Variants in PPP2R5E observed in about 807,000 individuals in gnomAD.
PPP2R5E encodes the protein protein phosphatase 2 regulatory subunit B'epsilon.
In PPP2R5E, 4 loss-of-function variants were observed where a neutral mutation model predicts 65.3. The ratio of observed to expected loss-of-function variants is 0.06; its 90% CI spans 0.03 to 0.14. The LOEUF (loss-of-function observed/expected upper bound fraction) is 0.14. Among genes scored for constraint, PPP2R5E ranks in the 10% least tolerant of loss-of-function variants. The pLI, the probability that PPP2R5E is intolerant of heterozygous loss-of-function variation, is 1.00. For missense variants in PPP2R5E, 274 were observed against 556.1 expected (o/e 0.49, Z 5.10); for synonymous variants, 183 against 187.4 (o/e 0.98, Z 0.19).
chr14:63,486,708 T>A (rs1251923880), intron 2 of PPP2R5E, among the ~76,000 whole-genome samples: 6 of 152,102 alleles, frequency 3.9e-5, no homozygotes, highest in African/African-American at 1.4e-4. Context: ...CCGCATAAAC[T>A]TTAAGTCCCA....
intron 7 of PPP2R5E, among the ~76,000 whole-genome samples, chr14:63,394,246 C>T (rs556749243): frequency 4.9e-4 from 74 of 152,030 alleles, no homozygotes; most frequent in Middle Eastern, 3.4e-3. Flanking sequence ...CCATGCCTGG[C>T]TAATTTTTTT....
chr14:63,432,357 G>A (rs1398674409), intron 3 of PPP2R5E, among the ~76,000 whole-genome samples: 4 of 152,146 alleles, frequency 2.6e-5, no homozygotes, highest in Admixed American at 6.5e-5. Flanking sequence ...TTTAACATAC[G>A]GTGATTGCTT....
At chr14:63,400,250 A>G (rs1451606047) in intron 5 of PPP2R5E, among the ~76,000 whole-genome samples, 1 of 152,232 alleles carries the variant, frequency 6.6e-6, no homozygotes, top group African/African-American at 2.4e-5. Flanking sequence ...CTCAGAGCCT[A>G]TTCTAATGGG....
chr14:63,424,478 G>A (rs1887217739), intron 3 of PPP2R5E, among the ~76,000 whole-genome samples: 1 of 152,172 alleles, frequency 6.6e-6, no homozygotes, highest in Non-Finnish European at 1.5e-5. Flanking sequence ...TCGGCCGGGC[G>A]CGGTGGCTCA....
chr14:63,395,339 A>T, intron 6 of PPP2R5E, 54 bp from the exon 7 acceptor site: 2 of 1,021,918 alleles, frequency 2.0e-6, no homozygotes, highest in Non-Finnish European at 2.8e-6. Context: ...AGGAGAAGGA[A>T]GGGATAAAAA....
At chr14:63,383,096 C>A (rs1405537449) in intron 12 of PPP2R5E, among the ~76,000 whole-genome samples, 1 of 152,134 alleles carries the variant, frequency 6.6e-6, no homozygotes, top group East Asian at 1.9e-4. Context: ...CTATGGGACA[C>A]TATACAGCTA....
intron 2 of PPP2R5E, among the ~76,000 whole-genome samples, chr14:63,495,971 G>A (rs572865382): frequency 7.2e-5 from 11 of 152,256 alleles, no homozygotes; most frequent in Middle Eastern, 3.4e-3. Flanking sequence ...GATTACAGGC[G>A]TGAGCCACCA....
At chr14:63,395,163 A>C in intron 7 of PPP2R5E, 63 bp downstream of exon 7, 1 of 1,409,014 alleles carries the variant, frequency 7.1e-7, no homozygotes, top group Non-Finnish European at 1.0e-6. Flanking sequence ...TCTTGGTGCC[A>C]CCTGAACCTA....
At chr14:63,459,807 C>T (rs904832653) in intron 2 of PPP2R5E, among the ~76,000 whole-genome samples, 9 of 152,138 alleles carry the variant, frequency 5.9e-5, no homozygotes, top group Admixed American at 2.0e-4. Context: ...TTCTTTCATC[C>T]CCTCCTCCTT....
rs1397386054 is a variant in PPP2R5E at position 63,446,473 on chromosome 14, T to C, written c.354+7216A>G. On this transcript the variant is annotated intron_variant, in intron 3 of 13. Transcript: ENST00000337537. ...AAATGAATTTCTTAAATAATAAGAC[T>C]TGAAAATCAAAATTACTCCTTGACC... 2.0e-5 allele frequency among the ~76,000 whole-genome samples: 3 copies of C among 152,264 alleles called. No individual in the cohort carries two copies. In the South Asian group the frequency reaches 6.2e-4, roughly 32 times the overall value.
At chr14:63,508,489 A>C (rs1051729009) in intron 2 of PPP2R5E, among the ~76,000 whole-genome samples, 29 of 152,234 alleles carry the variant, frequency 1.9e-4, no homozygotes, top group Middle Eastern at 6.3e-3. Context: ...ATCTACAATA[A>C]GCCTTTTCCA....
intron 2 of PPP2R5E, among the ~76,000 whole-genome samples, chr14:63,523,110 A>G (rs1193515732): frequency 6.8e-6 from 1 of 147,970 alleles, no homozygotes; most frequent in African/African-American, 2.6e-5. Context: ...CCGCCCGGCC[A>G]GCAGCCCCTT....
At chr14:63,433,610 C>T (rs537365597) in intron 3 of PPP2R5E, among the ~76,000 whole-genome samples, 11 of 151,998 alleles carry the variant, frequency 7.2e-5, no homozygotes, top group South Asian at 2.1e-4. Context: ...CAGAAAGGTG[C>T]GCGCTGCTCT....
At chr14:63,396,786 T>C in intron 5 of PPP2R5E, 70 bp from the exon 6 acceptor site, 2 of 1,553,952 alleles carry the variant, frequency 1.3e-6, no homozygotes, top group Non-Finnish European at 1.8e-6. Context: ...TTCTATTATT[T>C]AAAATCCCCT....
chr14:63,522,513 G>A (rs1338963620), intron 2 of PPP2R5E, among the ~76,000 whole-genome samples: 34 of 151,132 alleles, frequency 2.2e-4, no homozygotes, highest in African/African-American at 7.5e-4. Flanking sequence ...GCCTCTTCCC[G>A]GCCGCCATCC....
chr14:63,407,532 A>G (rs1413627949), intron 5 of PPP2R5E, among the ~76,000 whole-genome samples: 2 of 145,674 alleles, frequency 1.4e-5, no homozygotes, highest in African/African-American at 5.5e-5. Context: ...ATTCTTATTG[A>G]TTACAACATA....
chr14:63,409,770 G>A (rs772314008), intron 5 of PPP2R5E, among the ~76,000 whole-genome samples: 9 of 152,192 alleles, frequency 5.9e-5, no homozygotes, highest in South Asian at 2.1e-4. Flanking sequence ...GACAACTGTC[G>A]ATTTTGACGT....
At chr14:63,415,264 T>G (rs765885462) in intron 4 of PPP2R5E, 32 bp from the exon 5 acceptor site, 1 of 1,492,370 alleles carries the variant, frequency 6.7e-7, no homozygotes, top group South Asian at 1.2e-5. Context: ...TAATTTCAAA[T>G]TATGACTCAC....
At chr14:63,430,095 AT>A (rs111565289) in intron 3 of PPP2R5E, among the ~76,000 whole-genome samples, 20,099 of 152,212 alleles carry the variant, frequency 0.13, 2,428 homozygotes, top group African/African-American at 0.32. Context: ...CATGAATGTC[AT>A]TTTTTAAAAA....
Sources: gnomAD v4.1 joint callset for allele counts (sites outside exome capture counted in the v4.1 genomes callset) on GRCh38, gnomAD v4.1.1 for gene constraint, MANE v1.5 for transcripts, NCBI Gene and HGNC (gene_info 2026-07-23, HGNC 2026-07-21) for gene names.